Variants in REL observed in about 807,000 individuals in gnomAD.
REL encodes the protein REL proto-oncogene, NF-kB subunit.
In REL, 15 loss-of-function variants were observed where a neutral mutation model predicts 45.9. That is an observed-to-expected ratio of 0.33 (90% CI 0.22 to 0.50). The LOEUF (loss-of-function observed/expected upper bound fraction) is 0.50. Ranked by LOEUF, REL falls within the 20% of genes least tolerant of loss-of-function variation. The pLI is 0.98. For synonymous variants in REL, 239 were observed against 242.1 expected (o/e 0.99, Z 0.12); for missense variants, 601 against 715.2 (o/e 0.84, Z 1.82).
intron 3 of REL, chr2:60,900,784 A>G (rs1222791983): frequency 8.7e-6 from 4 of 461,242 alleles, no homozygotes; most frequent in South Asian, 5.1e-5. Flanking sequence ...TGGCCTCCCA[A>G]AGTGCTGGGA....
rs753347431 is a variant in REL, at chr2:60,916,864, T to A, written c.395-13T>A. Reference sequence around the variant, plus strand: ...TGACTATTACATTTAAAAAATTTTTTTTTTCTATTCAGTCCCTGAAAAACA... The same window carrying A: ...TGACTATTACATTTAAAAAATTTTTATTTTCTATTCAGTCCCTGAAAAACA... On this transcript the variant is annotated splice_polypyrimidine_tract_variant and intron_variant, in intron 4 of 9. Coordinates refer to ENST00000394479, the MANE Select transcript of REL (RefSeq NM_001291746.2). 3.1e-5 allele frequency: 49 copies of A among 1,603,994 alleles called. 1 individual carries two copies. In the South Asian group the frequency reaches 5.1e-4, roughly 17 times the overall value.
intron 7 of REL, among the ~76,000 whole-genome samples, chr2:60,919,341 C>G (rs923236433): frequency 1.3e-5 from 2 of 151,878 alleles, no homozygotes; most frequent in Non-Finnish European, 2.9e-5. Context: ...CTCAGGTGAT[C>G]ATCCCACCTC....
rs1305387524 is a variant in REL, at chr2:60,928,247, C to T, written c.*5712C>T. 1.3e-5 allele frequency: 2 copies of T among 158,496 alleles called. No individual in the cohort carries two copies. Among genetic ancestry groups the T allele is most frequent in the Non-Finnish European group, 2.8e-5 (2 of 71,816 alleles). The allele number at this position is 158,496 out of a possible 1,614,324, so 9.8% of individuals were successfully genotyped here. A position where few individuals can be genotyped will look rare whatever the true frequency, so the allele number is the denominator to read the frequency against. On this transcript the variant is annotated 3_prime_UTR_variant, in exon 10 of 10. Transcript: ENST00000394479. ...CAATATCGTGAAAATGGCCATACTG[C>T]CCAAGGTAATTTACAGATTCAGTGC... is the stretch of plus-strand genomic sequence containing the variant.
chr2:60,911,460 T>C (rs1222080590), intron 4 of REL: 1 of 152,076 alleles, frequency 6.6e-6, no homozygotes, highest in East Asian at 1.9e-4. Context: ...AAAAATAAAG[T>C]TTAAAAGGGT....
rs1268239530 is a variant in REL at position 60,923,022 on chromosome 2, T to C, written c.*487T>C. 2 of 162,502 alleles carry C rather than the reference T, an allele frequency of 1.2e-5. No homozygotes were observed. The highest frequency in any genetic ancestry group is 4.8e-5 in the African/African-American group (2 of 41,250). The allele number at this position is 162,502 out of a possible 1,614,324, so 10.1% of individuals were successfully genotyped here. A position where few individuals can be genotyped will look rare whatever the true frequency, so the allele number is the denominator to read the frequency against. The stretch of plus-strand genomic sequence containing the variant: ...TCACACCACCGCACTCCAGCCTGGG[T>C]GACAGAGTGAGACTCTGTCTCAAAA... On this transcript the variant is annotated 3_prime_UTR_variant, in exon 10 of 10. Coordinates refer to ENST00000394479, the MANE Select transcript of REL (RefSeq NM_001291746.2).
chr2:60,883,729 G>C (rs999177478), intron 1 of REL, among the ~76,000 whole-genome samples: 3 of 151,688 alleles, frequency 2.0e-5, no homozygotes, highest in African/African-American at 7.3e-5. Context: ...ATTTAAATTT[G>C]TTCATTGACA....
rs140683822 is a variant in REL at position 60,922,234 on chromosome 2, A to G, written c.1463A>G (p.Glu488Gly). 6 of 1,614,194 alleles carry G rather than the reference A, an allele frequency of 3.7e-6. No individual in the cohort carries two copies. Among genetic ancestry groups the G allele is most frequent in the Non-Finnish European group, 5.1e-6 (6 of 1,180,030 alleles). Reference protein sequence around the residue: ...DNPRLLSMNLENPSCNSVLDP... With the variant: ...DNPRLLSMNLGNPSCNSVLDP... ...CCAAGACTTCTGAGCATGAATCTTG[A>G]AAACCCCTCATGTAATTCAGTGTTA... The change falls in exon 10 of 10, where the codon GAA becomes GGA. Residue 488 changes from glutamate (E) to glycine (G), a missense_variant. By Grantham distance (98) the Glu-to-Gly change is moderately conservative (BLOSUM62 -2). Transcript: ENST00000394479.
intron 4 of REL, among the ~76,000 whole-genome samples, chr2:60,911,840 A>T (rs1673823331): frequency 6.6e-6 from 1 of 151,800 alleles, no homozygotes; most frequent in African/African-American, 2.4e-5. Flanking sequence ...CTCTACTTAA[A>T]ATACAAAATT....
Position 60,930,984 on chromosome 2 carries a change from A to G in REL, c.*8449A>G, listed in dbSNP as rs562346080. The G allele has an allele frequency of 1.3e-5, 2 of 152,482 alleles. No individual in the cohort carries two copies. Among genetic ancestry groups the G allele is most frequent in the South Asian group, 4.1e-4 (2 of 4,832 alleles). The allele number at this position is 152,482 out of a possible 1,614,324, so 9.4% of individuals were successfully genotyped here. A position where few individuals can be genotyped will look rare whatever the true frequency, so the allele number is the denominator to read the frequency against. On this transcript the variant is annotated 3_prime_UTR_variant, in exon 10 of 10. Transcript: ENST00000394479. ...GTAAATGAAATATAAATTTTTGGTA[A>G]AAGTATCAAACATTCATCTTGCCCA...
At chr2:60,885,387 T>A (rs1235143898) in intron 1 of REL, among the ~76,000 whole-genome samples, 1 of 152,208 alleles carries the variant, frequency 6.6e-6, no homozygotes, top group African/African-American at 2.4e-5. Flanking sequence ...CTAGGACAGC[T>A]TTTAAAATTT....
At chr2:60,885,608 A>G (rs945443456) in intron 1 of REL, among the ~76,000 whole-genome samples, 3 of 152,238 alleles carry the variant, frequency 2.0e-5, no homozygotes, top group Non-Finnish European at 2.9e-5. Context: ...TCAGCCTGAT[A>G]TATTGGCATA....
At chr2:60,895,806 T>C (rs1673332321) in intron 3 of REL, among the ~76,000 whole-genome samples, 1 of 152,200 alleles carries the variant, frequency 6.6e-6, no homozygotes, top group South Asian at 2.1e-4. Context: ...CATTATGCTC[T>C]AATGCTGTTC....
intron 4 of REL, among the ~76,000 whole-genome samples, chr2:60,902,747 C>T (rs1036026280): frequency 6.6e-6 from 1 of 151,954 alleles, no homozygotes. Context: ...CATGCCCATG[C>T]CCAGCTAGTT....
intron 4 of REL, among the ~76,000 whole-genome samples, chr2:60,901,653 T>C (rs1673501615): frequency 6.6e-6 from 1 of 152,190 alleles, no homozygotes; most frequent in African/African-American, 2.4e-5. Flanking sequence ...CTTCAAAATG[T>C]TGTGATCCTT....
At chr2:60,904,756 G>A (rs1673595732) in intron 4 of REL, among the ~76,000 whole-genome samples, 1 of 151,804 alleles carries the variant, frequency 6.6e-6, no homozygotes, top group Admixed American at 6.6e-5. Flanking sequence ...CAGATGCAGG[G>A]GTGCACAACT....
chr2:60,913,134 T>C (rs1008687557), intron 4 of REL, among the ~76,000 whole-genome samples: 4 of 152,206 alleles, frequency 2.6e-5, no homozygotes, highest in Non-Finnish European at 5.9e-5. Context: ...GATTCCTTTT[T>C]TTCAGTTTCA....
chr2:60,906,913 A>ATATT (rs1311506982), intron 4 of REL, among the ~76,000 whole-genome samples: 71 of 104,312 alleles, frequency 6.8e-4, no homozygotes, highest in Middle Eastern at 7.0e-3. Context: ...ATATATATAT[A>ATATT]TTTTTTTTTT....
In REL at chr2:60,930,907, T is replaced by A. The variant is rs1302520801; in HGVS notation, c.*8372T>A. ...TGTGTGAATAGTAATACACAGTAATTAGTACAGCATGTTGCTTCTTCAACA... is the reference window on the plus strand; with the variant it reads ...TGTGTGAATAGTAATACACAGTAATAAGTACAGCATGTTGCTTCTTCAACA... On this transcript the variant is annotated 3_prime_UTR_variant, in exon 10 of 10. Transcript: ENST00000394479. 1.3e-5 allele frequency: 2 copies of A among 152,380 alleles called. No homozygotes were observed. Among genetic ancestry groups the A allele is most frequent in the East Asian group, 3.7e-4 (2 of 5,346 alleles). The allele number at this position is 152,380 out of a possible 1,614,324, so 9.4% of individuals were successfully genotyped here. A position where few individuals can be genotyped will look rare whatever the true frequency, so the allele number is the denominator to read the frequency against.
At chr2:60,905,158 G>T (rs1418294046) in intron 4 of REL, among the ~76,000 whole-genome samples, 4 of 152,118 alleles carry the variant, frequency 2.6e-5, no homozygotes, top group African/African-American at 9.7e-5. Context: ...GCAGTGGCAC[G>T]ATCTCGGCTC....
Sources: gnomAD v4.1 joint callset for allele counts (sites outside exome capture counted in the v4.1 genomes callset) on GRCh38, gnomAD v4.1.1 for gene constraint, MANE v1.5 for transcripts, NCBI Gene and HGNC (gene_info 2026-07-23, HGNC 2026-07-21) for gene names.